Variants in NALCN observed in about 807,000 individuals in gnomAD.
The protein encoded by NALCN is sodium leak channel NALCN.
A neutral mutation model predicts 225.3 loss-of-function variants in NALCN; 111 were observed. The observed-to-expected ratio is 0.49, with a 90% CI of 0.42 to 0.58. NALCN has a LOEUF of 0.58. NALCN is among the 20% of genes least tolerant of loss of function. The pLI is 0.00. For synonymous variants in NALCN, 764 were observed against 769.0 expected (o/e 0.99, Z 0.11); for missense variants, 1,378 against 2,202.4 (o/e 0.63, Z 7.49).
At position 101,082,903 on chromosome 13, in the gene NALCN, C is replaced by T. The variant is rs139049605; in HGVS notation, c.3691-20G>A. ...GTCCCACTGCAACAGAAACAGCACA[C>T]GAGTCGTTGCCCACGTCCATCGGAC... On this transcript the variant is annotated intron_variant, in intron 32 of 43. Coordinates refer to ENST00000251127, the MANE Select transcript of NALCN (RefSeq NM_052867.4). The T allele has an allele frequency of 1.3e-4, 207 of 1,613,698 alleles. No homozygotes were observed. Among genetic ancestry groups the T allele is most frequent in the Non-Finnish European group, 1.6e-4 (188 of 1,179,586 alleles).
intron 7 of NALCN, among the ~76,000 whole-genome samples, chr13:101,312,425 C>T (rs9585662): frequency 0.32 from 48,704 of 150,342 alleles, 7,903 homozygotes; most frequent in Non-Finnish European, 0.4. Context: ...TTTGCTCTTG[C>T]TTTTCTAGTT....
chr13:101,265,510 A>C (rs923710464), intron 10 of NALCN, among the ~76,000 whole-genome samples: 6 of 152,222 alleles, frequency 3.9e-5, no homozygotes, highest in Non-Finnish European at 8.8e-5. Context: ...ACCTCCCAGG[A>C]GACTGTGGAA....
chr13:101,291,954 C>A, intron 9 of NALCN, 36 bp downstream of exon 9: 1 of 1,604,042 alleles, frequency 6.2e-7, no homozygotes, highest in South Asian at 1.1e-5. Flanking sequence ...TGTGCATGCT[C>A]GAATGGGTTA....
chr13:101,106,306 G>A (rs1204876195), intron 22 of NALCN, among the ~76,000 whole-genome samples: 2 of 152,114 alleles, frequency 1.3e-5, no homozygotes, highest in Non-Finnish European at 2.9e-5. Flanking sequence ...GAGGTTCTGA[G>A]GGTTTGGACT....
chr13:101,187,105 C>T (rs953873462), intron 14 of NALCN, among the ~76,000 whole-genome samples: 1 of 152,150 alleles, frequency 6.6e-6, no homozygotes, highest in Admixed American at 6.5e-5. Flanking sequence ...TGTGGTCAGC[C>T]ACAGCCTGAA....
At chr13:101,230,845 T>C (rs1017848661) in intron 12 of NALCN, among the ~76,000 whole-genome samples, 21 of 152,310 alleles carry the variant, frequency 1.4e-4, no homozygotes, top group African/African-American at 5.1e-4. Flanking sequence ...TGTATATGTG[T>C]GTGTGTATAT....
chr13:101,195,364 T>C (rs907037303), intron 13 of NALCN, among the ~76,000 whole-genome samples: 1 of 152,252 alleles, frequency 6.6e-6, no homozygotes, highest in African/African-American at 2.4e-5. Flanking sequence ...ATTTCTTATA[T>C]TTTTGCAAAG....
chr13:101,175,927 T>C (rs562669903), intron 15 of NALCN, among the ~76,000 whole-genome samples: 27 of 152,350 alleles, frequency 1.8e-4, no homozygotes, highest in African/African-American at 6.0e-4. Context: ...AGGTTGATTG[T>C]AGTATTTTTA....
chr13:101,176,279 A>C, intron 15 of NALCN, 21 bp downstream of exon 15: 1 of 1,490,660 alleles, frequency 6.7e-7, no homozygotes, highest in Non-Finnish European at 8.9e-7. Flanking sequence ...TTTTAAAAAA[A>C]ATCCCCCACA....
chr13:101,065,772 T>C (rs1265873535), intron 39 of NALCN, among the ~76,000 whole-genome samples: 2 of 152,182 alleles, frequency 1.3e-5, no homozygotes, highest in Non-Finnish European at 2.9e-5. Context: ...TTTCTGCTGG[T>C]GCTTCTCTTT....
intron 13 of NALCN, among the ~76,000 whole-genome samples, chr13:101,195,348 C>T (rs962668057): frequency 1.2e-4 from 18 of 152,184 alleles, no homozygotes; most frequent in Admixed American, 2.6e-4. Flanking sequence ...GCATTTTCCC[C>T]TATACATTTC....
At chr13:101,178,254 T>C (rs1056845782) in intron 14 of NALCN, among the ~76,000 whole-genome samples, 10 of 152,176 alleles carry the variant, frequency 6.6e-5, no homozygotes, top group Non-Finnish European at 1.2e-4. Flanking sequence ...GGATATCTTA[T>C]ACCCCTTCTC....
chr13:101,106,829 C>G (rs1374096941), intron 22 of NALCN, among the ~76,000 whole-genome samples: 2 of 152,202 alleles, frequency 1.3e-5, no homozygotes, highest in African/African-American at 4.8e-5. Context: ...ATTACCCAGT[C>G]TCAGGTATGT....
chr13:101,213,415 C>A (rs80058547), intron 13 of NALCN, among the ~76,000 whole-genome samples: 33,145 of 151,982 alleles, frequency 0.22, 3,754 homozygotes, highest in East Asian at 0.37. Context: ...AAACACCCAA[C>A]GCAATGGCAA....
At chr13:101,406,057 T>G (rs1434037040) in intron 1 of NALCN, among the ~76,000 whole-genome samples, 1 of 151,666 alleles carries the variant, frequency 6.6e-6, no homozygotes, top group East Asian at 1.9e-4. Context: ...GGCTCCCACT[T>G]GTAATCCTAG....
intron 15 of NALCN, among the ~76,000 whole-genome samples, chr13:101,161,511 C>T (rs1566363622): frequency 6.6e-6 from 1 of 152,208 alleles, no homozygotes; most frequent in Non-Finnish European, 1.5e-5. Context: ...TTCCAAACAG[C>T]TCTCTGGTTC....
At chr13:101,412,996 T>C (rs2047833077) in intron 1 of NALCN, among the ~76,000 whole-genome samples, 1 of 152,342 alleles carries the variant, frequency 6.6e-6, no homozygotes, top group East Asian at 1.9e-4. Context: ...TCAGGTGATT[T>C]TTGTAAAGGT....
At chr13:101,097,012 A>G (rs2034545695) in intron 27 of NALCN, among the ~76,000 whole-genome samples, 1 of 149,410 alleles carries the variant, frequency 6.7e-6, no homozygotes, top group South Asian at 2.1e-4. Flanking sequence ...GCATCCCAGC[A>G]GAAGCCCAGC....
chr13:101,362,893 C>T (rs1489949604), intron 6 of NALCN, among the ~76,000 whole-genome samples: 1 of 152,036 alleles, frequency 6.6e-6, no homozygotes, highest in Non-Finnish European at 1.5e-5. Flanking sequence ...CAGTAAATTG[C>T]AGGATACAAA....
Sources: gnomAD v4.1 joint callset for allele counts (sites outside exome capture counted in the v4.1 genomes callset) on GRCh38, gnomAD v4.1.1 for gene constraint, MANE v1.5 for transcripts, NCBI Gene and HGNC (gene_info 2026-07-23, HGNC 2026-07-21) for gene names.